The following EEFSEC variants were observed in gnomAD, a reference collection of about 807,000 sequenced individuals.
The protein encoded by EEFSEC is eukaryotic elongation factor, selenocysteine-tRNA specific.
Under a neutral mutation model 42.1 loss-of-function variants are expected in EEFSEC, and 43 were observed. That is an observed-to-expected ratio of 1.02 (90% CI 0.80 to 1.32). The LOEUF is 1.32. Among genes scored for constraint, EEFSEC ranks in the 40% most tolerant of loss-of-function variants. EEFSEC has a pLI of 0.00. For missense variants in EEFSEC, 745 were observed against 803.6 expected (o/e 0.93, Z 0.88); for synonymous variants, 354 against 339.1 (o/e 1.04, Z -0.48).
intron 4 of EEFSEC, among the ~76,000 whole-genome samples, chr3:128,289,664 C>G (rs2066622722): frequency 6.6e-6 from 1 of 152,200 alleles, no homozygotes; most frequent in Non-Finnish European, 1.5e-5. Context: ...CAAAACATGT[C>G]TGCAGCCTGG....
intron 5 of EEFSEC, among the ~76,000 whole-genome samples, chr3:128,348,952 A>G (rs990669120): frequency 3.9e-5 from 6 of 152,244 alleles, no homozygotes; most frequent in Non-Finnish European, 8.8e-5. Context: ...AGAGGAAACA[A>G]GGAACTCTGC....
rs570720258 is a variant in EEFSEC at position 128,186,779 on chromosome 3, G to A, written c.316+32956G>A. ...AATATTTCATTGATTTATATGTCTAGCCTTATTCTGAACTATTTTTTTTTT... is the reference window on the plus strand; with the variant it reads ...AATATTTCATTGATTTATATGTCTAACCTTATTCTGAACTATTTTTTTTTT... On this transcript the variant is annotated intron_variant, in intron 1 of 6. Transcript: ENST00000254730. Among the ~76,000 whole-genome samples, 6 of 152,238 alleles carry A rather than the reference G, an allele frequency of 3.9e-5. No individual in the cohort carries two copies. The South Asian group carries it at 1.2e-3, about 32-fold the overall frequency.
intron 1 of EEFSEC, among the ~76,000 whole-genome samples, chr3:128,183,840 C>A (rs564630975): frequency 1.6e-4 from 25 of 152,288 alleles, no homozygotes; most frequent in African/African-American, 5.1e-4. Context: ...CATTCCTTAT[C>A]TGTGTAAGGA....
chr3:128,248,818 T>C (rs979182369), intron 2 of EEFSEC, among the ~76,000 whole-genome samples: 13 of 152,218 alleles, frequency 8.5e-5, no homozygotes, highest in Admixed American at 3.3e-4. Flanking sequence ...TAAGGAAAAT[T>C]CTCATTTGCT....
chr3:128,267,794 A>G (rs1181890655), intron 4 of EEFSEC, among the ~76,000 whole-genome samples: 1 of 152,234 alleles, frequency 6.6e-6, no homozygotes, highest in Non-Finnish European at 1.5e-5. Flanking sequence ...AGCAACCAGA[A>G]ATAGAGATGG....
At chr3:128,362,410 C>G (rs2067538147) in intron 6 of EEFSEC, among the ~76,000 whole-genome samples, 1 of 152,220 alleles carries the variant, frequency 6.6e-6, no homozygotes. Flanking sequence ...GAAAAGGGCA[C>G]ACATGTGCCC....
chr3:128,220,127 G>A (rs1189092221), intron 1 of EEFSEC, among the ~76,000 whole-genome samples: 1 of 152,152 alleles, frequency 6.6e-6, no homozygotes, highest in Non-Finnish European at 1.5e-5. Flanking sequence ...GGGAACTGAA[G>A]GACAGAGAGA....
At chr3:128,272,637 A>C (rs1407901237) in intron 4 of EEFSEC, among the ~76,000 whole-genome samples, 2 of 152,176 alleles carry the variant, frequency 1.3e-5, no homozygotes, top group African/African-American at 4.8e-5. Flanking sequence ...CCAAAGTATC[A>C]TTTATGATAT....
chr3:128,386,840 G>A (rs1419681602), intron 6 of EEFSEC, among the ~76,000 whole-genome samples: 1 of 152,136 alleles, frequency 6.6e-6, no homozygotes, highest in Non-Finnish European at 1.5e-5. Flanking sequence ...ACTGTGGTGA[G>A]GGCACCAAGC....
downstream of EEFSEC, chr3:128,408,738 C>T (rs1427800380): frequency 1.3e-5 from 2 of 153,688 alleles, no homozygotes; most frequent in African/African-American, 2.4e-5. Flanking sequence ...AGTTCCTGCC[C>T]AGGTCGGGGC....
intron 4 of EEFSEC, among the ~76,000 whole-genome samples, chr3:128,302,695 C>T (rs1205083696): frequency 1.2e-4 from 18 of 151,426 alleles, no homozygotes; most frequent in Admixed American, 1.2e-3. Flanking sequence ...AGAGTAGGAG[C>T]CTCTCCTCCT....
chr3:128,389,587 G>A (rs992756699), intron 6 of EEFSEC, among the ~76,000 whole-genome samples: 4 of 152,278 alleles, frequency 2.6e-5, no homozygotes, highest in African/African-American at 9.6e-5. Flanking sequence ...ACGCTGCTGG[G>A]TGAGGCTGGC....
chr3:128,193,095 G>A (rs958029642), intron 1 of EEFSEC, among the ~76,000 whole-genome samples: 1 of 152,144 alleles, frequency 6.6e-6, no homozygotes, highest in African/African-American at 2.4e-5. Flanking sequence ...CTGCAGGGTG[G>A]CCACACTCAG....
chr3:128,401,579 T>A (rs1380848919), intron 6 of EEFSEC, among the ~76,000 whole-genome samples: 1 of 152,110 alleles, frequency 6.6e-6, no homozygotes, highest in Non-Finnish European at 1.5e-5. Context: ...TCCAAGGCCC[T>A]GCTTGGCTTC....
chr3:128,170,335 G>C (rs547333686), intron 1 of EEFSEC, among the ~76,000 whole-genome samples: 1 of 152,266 alleles, frequency 6.6e-6, no homozygotes, highest in South Asian at 2.1e-4. Context: ...GGCGGAGGTG[G>C]GTGGATCACC....
At chr3:128,313,737 T>G (rs1163144281) in intron 4 of EEFSEC, among the ~76,000 whole-genome samples, 1 of 152,256 alleles carries the variant, frequency 6.6e-6, no homozygotes, top group Non-Finnish European at 1.5e-5. Flanking sequence ...AGAAGGCCCC[T>G]CATGTGGACA....
the EEFSEC span, among the ~76,000 whole-genome samples, chr3:128,425,327 T>A: frequency 9.0e-4 from 137 of 152,354 alleles, no homozygotes; most frequent in Non-Finnish European, 1.7e-3. Flanking sequence ...TGCTTGTGGC[T>A]GCACGTCCCA....
At chr3:128,399,106 A>G (rs994428249) in intron 6 of EEFSEC, among the ~76,000 whole-genome samples, 10 of 118,236 alleles carry the variant, frequency 8.5e-5, no homozygotes, top group Non-Finnish European at 1.6e-4. Context: ...AAATAAATAA[A>G]ATAAAAAAAA....
intron 4 of EEFSEC, among the ~76,000 whole-genome samples, chr3:128,315,731 G>A (rs2066938133): frequency 6.6e-6 from 1 of 152,206 alleles, no homozygotes. Context: ...ACTCGTCAGG[G>A]CCAGTGGTGT....
Sources: gnomAD v4.1 joint callset for allele counts (sites outside exome capture counted in the v4.1 genomes callset) on GRCh38, gnomAD v4.1.1 for gene constraint, MANE v1.5 for transcripts, NCBI Gene and HGNC (gene_info 2026-07-23, HGNC 2026-07-21) for gene names.